The following FBXO47 variants were observed in gnomAD, a reference collection of about 807,000 sequenced individuals.
FBXO47 encodes F-box only protein 47.
Under a neutral mutation model 53.9 loss-of-function variants are expected in FBXO47, and 34 were observed. That is an observed-to-expected ratio of 0.63 (90% CI 0.48 to 0.84). The LOEUF is 0.84. Ranked by LOEUF, FBXO47 falls within the 40% of genes least tolerant of loss-of-function variation. The pLI is 0.00. For synonymous variants in FBXO47, 165 were observed against 181.6 expected, an observed-to-expected ratio of 0.91 and a Z score of 0.73; for missense variants, 485 against 541.3, an observed-to-expected ratio of 0.90 and a Z score of 1.03.
At position 38,957,164 on chromosome 17, in the gene FBXO47, A is replaced by T; in HGVS notation, c.429+13T>A. 6.5e-7 allele frequency: 1 copy of T among 1,527,662 alleles called. No homozygotes were observed. Among genetic ancestry groups the T allele is most frequent in the Non-Finnish European group, 9.1e-7 (1 of 1,103,476 alleles). 94.6% of individuals were successfully genotyped at this position (1,527,662 alleles called of 1,614,324 possible). On this transcript the variant is annotated intron_variant, in intron 4 of 10. Coordinates refer to ENST00000378079, the MANE Select transcript of FBXO47 (RefSeq NM_001008777.3). Reference sequence around the variant, plus strand: ...AATCAAGATTGTAAACTAATTTAGAAGTATGATCTTACTTCTGTGAGTATC... The same window carrying T: ...AATCAAGATTGTAAACTAATTTAGATGTATGATCTTACTTCTGTGAGTATC...
rs776854349 is a variant in FBXO47, at chr17:38,942,850, G to C, written c.1011C>G (p.Phe337Leu). ...LLMLSGNNIC[F>L]SFMASKAVNG... ...TCACAGCTTTACTAGCCATGAAACT[G>C]AAACAGATGTTGTTTCCACTTAGCA... The change falls in exon 9 of 11, where the codon TTC becomes TTG. Residue 337 changes from phenylalanine to leucine, a missense_variant. By Grantham distance (22) the Phe-to-Leu change is conservative (BLOSUM62 0). Transcript: ENST00000378079. 27 of 1,613,840 alleles carry C rather than the reference G, an allele frequency of 1.7e-5. No individual in the cohort carries two copies. In the East Asian group the frequency reaches 5.8e-4, roughly 35 times the overall value.
At chr17:38,949,727 G>T (rs1328013904) in intron 6 of FBXO47, among the ~76,000 whole-genome samples, 3 of 152,104 alleles carry the variant, frequency 2.0e-5, no homozygotes, top group African/African-American at 7.2e-5. Context: ...ATGTGAAATG[G>T]TATATTACTA....
intron 3 of FBXO47, 82 bp from the exon 4 acceptor site, chr17:38,957,335 A>G: frequency 1.0e-6 from 1 of 973,966 alleles, no homozygotes; most frequent in Non-Finnish European, 1.6e-6. Flanking sequence ...TGTTTCCTGA[A>G]AGTCAAGTAT....
chr17:38,951,335 C>T (rs1905269974), intron 6 of FBXO47, among the ~76,000 whole-genome samples: 1 of 152,086 alleles, frequency 6.6e-6, no homozygotes, highest in Admixed American at 6.6e-5. Context: ...GCTGGGACCA[C>T]AGGCACACAC....
chr17:38,938,526 G>C (rs756465575), intron 10 of FBXO47, 47 bp downstream of exon 10: 29 of 1,398,542 alleles, frequency 2.1e-5, no homozygotes, highest in Non-Finnish European at 2.8e-5. Context: ...GTGGAGACTA[G>C]AGCGCATTTT....
At chr17:38,960,295 G>T (rs966045300) in intron 3 of FBXO47, among the ~76,000 whole-genome samples, 1 of 151,628 alleles carries the variant, frequency 6.6e-6, no homozygotes, top group Non-Finnish European at 1.5e-5. Context: ...AACAATAATA[G>T]ATCAGGTAAG....
chr17:38,953,312 C>G (rs1197823684), intron 5 of FBXO47, among the ~76,000 whole-genome samples: 1 of 151,190 alleles, frequency 6.6e-6, no homozygotes, highest in Non-Finnish European at 1.5e-5. Flanking sequence ...GAGCAAGACT[C>G]CGTCTCAAAA....
chr17:38,957,134 C>G, intron 4 of FBXO47, 43 bp downstream of exon 4: 1 of 1,245,998 alleles, frequency 8.0e-7, no homozygotes, highest in Non-Finnish European at 1.2e-6. Flanking sequence ...AATATCTTTA[C>G]TGGAAATCAA....
At chr17:38,948,337 C>T (rs764185487) in intron 6 of FBXO47, among the ~76,000 whole-genome samples, 18 of 151,276 alleles carry the variant, frequency 1.2e-4, no homozygotes, top group Non-Finnish European at 2.2e-4. Flanking sequence ...CTCAGCCTCC[C>T]GAGTAGCTGG....
At chr17:38,956,206 C>A (rs552810986) in intron 4 of FBXO47, among the ~76,000 whole-genome samples, 129 of 151,740 alleles carry the variant, frequency 8.5e-4, no homozygotes, top group African/African-American at 2.9e-3. Context: ...GCATACAGAG[C>A]GGTTTGGGGA....
At chr17:38,961,586 C>T (rs1378566090) in intron 3 of FBXO47, among the ~76,000 whole-genome samples, 1 of 152,174 alleles carries the variant, frequency 6.6e-6, no homozygotes, top group Non-Finnish European at 1.5e-5. Flanking sequence ...GGAAGTGACG[C>T]ATAGAAAATA....
intron 4 of FBXO47, among the ~76,000 whole-genome samples, chr17:38,956,084 C>T (rs569569045): frequency 2.7e-5 from 4 of 148,886 alleles, no homozygotes; most frequent in Admixed American, 6.7e-5. Flanking sequence ...TGCAGTGAGC[C>T]GAGATCGCAC....
rs552152781 is a variant in FBXO47 at position 38,942,812 on chromosome 17, A to G, written c.1049T>C (p.Ile350Thr). ...AAAGACTACGAGCCTTGCCAGTTCA[A>G]TGGTGCGTCCATTCACAGCTTTACT... ...MASKAVNGRTIELARLVVFLA... is the reference protein window; with the variant it reads ...MASKAVNGRTTELARLVVFLA... Residue 350 changes from isoleucine to threonine, a missense_variant, in exon 9 of 11, where the codon ATT becomes ACT. By Grantham distance (89) the Ile-to-Thr change is moderately conservative. Transcript: ENST00000378079. 8.7e-6 allele frequency: 14 copies of G among 1,613,238 alleles called. No individual in the cohort carries two copies. The Middle Eastern group carries it at 5.0e-4, about 57-fold the overall frequency.
chr17:38,948,333 C>T (rs2143925687), intron 6 of FBXO47, among the ~76,000 whole-genome samples: 1 of 151,292 alleles, frequency 6.6e-6, no homozygotes, highest in Admixed American at 6.6e-5. Context: ...CTGTCTCAGC[C>T]TCCCGAGTAG....
chr17:38,942,671 C>A, intron 9 of FBXO47, 107 bp downstream of exon 9: 3 of 719,922 alleles, frequency 4.2e-6, no homozygotes, highest in South Asian at 2.1e-5. Context: ...CTTCAATACT[C>A]ATTTTTACAA....
intron 6 of FBXO47, among the ~76,000 whole-genome samples, chr17:38,947,332 T>C (rs1904998506): frequency 6.6e-6 from 1 of 151,816 alleles, no homozygotes; most frequent in Non-Finnish European, 1.5e-5. Context: ...GTTATGTTGC[T>C]GTTGTTGATA....
chr17:38,939,293 C>CAAAAAAAAAA (rs1218321299), intron 9 of FBXO47, among the ~76,000 whole-genome samples: 1 of 34,866 alleles, frequency 2.9e-5, no homozygotes, highest in African/African-American at 1.4e-4. Flanking sequence ...ACTCCATCTC[C>CAAAAAAAAAA]AAAAAAAAAA....
chr17:38,962,150 TATCACC>T (rs1905844003), intron 2 of FBXO47, 103 bp from the exon 3 acceptor site: 1 of 896,596 alleles, frequency 1.1e-6, no homozygotes, highest in Admixed American at 2.7e-5. Context: ...TCGTCATCAT[TATCACC>T]ATCATCATCC....
chr17:38,956,426 A>G (rs901960296), intron 4 of FBXO47, among the ~76,000 whole-genome samples: 1 of 151,794 alleles, frequency 6.6e-6, no homozygotes. Context: ...CATCTCTACT[A>G]AAAGTACAAA....
Sources: allele counts gnomAD v4.1 joint callset (sites outside exome capture counted in the v4.1 genomes callset), GRCh38; gene constraint gnomAD v4.1.1; transcripts MANE v1.5; gene names NCBI Gene and HGNC (gene_info 2026-07-23, HGNC 2026-07-21).